STK3: variants seen among roughly 807,000 people sequenced by gnomAD.
STK3 encodes the protein serine/threonine-protein kinase 3.
STK3 carries 41 observed loss-of-function variants against 58.0 expected under a neutral mutation model. The observed-to-expected ratio is 0.71, with a 90% CI of 0.55 to 0.92. The LOEUF is 0.92. Among genes scored for constraint, STK3 ranks in the 40% least tolerant of loss-of-function variants. The pLI is 0.00. For missense variants in STK3, 479 were observed against 602.7 expected (o/e 0.79, Z 2.15); for synonymous variants, 170 against 191.0 (o/e 0.89, Z 0.91).
chr8:98,740,912 A>C (rs995457583), intron 4 of STK3, among the ~76,000 whole-genome samples: 3 of 152,138 alleles, frequency 2.0e-5, no homozygotes, highest in Non-Finnish European at 4.4e-5. Flanking sequence ...CTACCAAGCA[A>C]ATGGAAAACA....
intron 1 of STK3, among the ~76,000 whole-genome samples, chr8:98,818,862 C>T (rs1834716004): frequency 6.6e-6 from 1 of 152,022 alleles, no homozygotes; most frequent in Non-Finnish European, 1.5e-5. Flanking sequence ...TCTCTGTCGC[C>T]CAGGCTGGAG....
intron 3 of STK3, among the ~76,000 whole-genome samples, chr8:98,426,064 C>T (rs960531712): frequency 1.6e-4 from 25 of 152,142 alleles, no homozygotes; most frequent in African/African-American, 6.0e-4. Flanking sequence ...CAGATCTGGG[C>T]CACGAGTCTT....
At chr8:98,706,895 C>T (rs537116405) in intron 5 of STK3, among the ~76,000 whole-genome samples, 11 of 152,274 alleles carry the variant, frequency 7.2e-5, no homozygotes, top group African/African-American at 2.6e-4. Context: ...ATAAAAGCTA[C>T]AGAAATGAGC....
intron 3 of STK3, among the ~76,000 whole-genome samples, chr8:98,869,768 CAG>C (rs1837299045): frequency 6.6e-6 from 1 of 151,212 alleles, no homozygotes; most frequent in African/African-American, 2.4e-5. Flanking sequence ...TATAAGAAAA[CAG>C]AAATAAATAT....
rs185169133 is a variant in STK3 at position 98,715,482 on chromosome 8, G to C, written c.352-8171C>G. Among the ~76,000 whole-genome samples, 429 of 151,464 alleles carry C rather than the reference G, an allele frequency of 2.8e-3. 3 individuals are homozygous for C. Among genetic ancestry groups the C allele is most frequent in the African/African-American group, 9.4e-3 (390 of 41,334 alleles). On this transcript the variant is annotated intron_variant, in intron 4 of 10. Transcript: ENST00000419617. The stretch of plus-strand genomic sequence containing the variant: ...AAAAAGTGGGCAAAGGATATGAACA[G>C]ACACTTCTCAAAAGAAGACACTTAT...
chr8:98,762,995 T>C (rs1321111750), intron 3 of STK3, among the ~76,000 whole-genome samples: 1 of 152,212 alleles, frequency 6.6e-6, no homozygotes, highest in Admixed American at 6.5e-5. Flanking sequence ...ATTTTCTGTA[T>C]CTGCAAAATT....
At chr8:98,862,829 A>G (rs1008029210) in intron 3 of STK3, among the ~76,000 whole-genome samples, 7 of 152,250 alleles carry the variant, frequency 4.6e-5, no homozygotes, top group Non-Finnish European at 8.8e-5. Flanking sequence ...CCAAGGTAGG[A>G]CTTAATTGGA....
chr8:98,607,065 C>T (rs1037255841), intron 6 of STK3, among the ~76,000 whole-genome samples: 7 of 152,178 alleles, frequency 4.6e-5, no homozygotes, highest in Admixed American at 2.6e-4. Context: ...AACCACAGTA[C>T]ACTCAATTTG....
intron 7 of STK3, among the ~76,000 whole-genome samples, chr8:98,585,592 T>G (rs1390279674): frequency 5.5e-4 from 81 of 146,518 alleles, no homozygotes; most frequent in African/African-American, 1.4e-3. Context: ...CTTTTTTGGT[T>G]CCATATGAAC....
rs577479151 is a variant in STK3 at position 98,912,515 on chromosome 8, G to A, written c.-78-28681C>T. ...AATTAAACGTGTCTGCTTGGTCACA[G>A]GAAGAGTTGGAAAGCCACAGGCTCT... On this transcript the variant is annotated intron_variant, in intron 1 of 1. Transcript: ENST00000519420. Among the ~76,000 whole-genome samples the A allele has an allele frequency of 2.0e-5, 3 of 152,278 alleles. No homozygotes were observed. The South Asian group carries it at 6.2e-4, about 32-fold the overall frequency.
chr8:98,352,299 T>C, the STK3 span, among the ~76,000 whole-genome samples: 5 of 152,306 alleles, frequency 3.3e-5, no homozygotes, highest in African/African-American at 1.2e-4. Flanking sequence ...CAATTCACAA[T>C]GGTCTTTAAA....
In STK3 at chr8:98,706,545, G is replaced by A. The variant is rs751435894; in HGVS notation, c.606C>T (p.Ala202=). The A allele has an allele frequency of 1.5e-5, 24 of 1,613,542 alleles. No homozygotes were observed. Among genetic ancestry groups the A allele is most frequent in the East Asian group, 2.2e-5 (1 of 44,862 alleles). ...VIQEIGYNCV[A]DIWSLGITSI... ...AAGTAATGCCAAGGGACCAGATGTC[G>A]GCCACACAGTTATAGCCTATTTCTT... Residue 202 remains alanine, a synonymous_variant, in exon 6 of 11, where the codon GCC becomes GCT. Coordinates refer to ENST00000419617, the MANE Select transcript of STK3 (RefSeq NM_006281.4).
At chr8:98,396,266 T>C (rs1319620886) in intron 3 of STK3, among the ~76,000 whole-genome samples, 1 of 152,254 alleles carries the variant, frequency 6.6e-6, no homozygotes, top group Non-Finnish European at 1.5e-5. Context: ...GAAGATGTTT[T>C]ACATAAAATT....
chr8:98,698,822 G>A (rs1825252903), intron 6 of STK3, among the ~76,000 whole-genome samples: 1 of 151,998 alleles, frequency 6.6e-6, no homozygotes, highest in South Asian at 2.1e-4. Flanking sequence ...CAACTTTGGT[G>A]AATCTGACAA....
At chr8:98,709,753 A>G (rs1040634391) in intron 4 of STK3, among the ~76,000 whole-genome samples, 1 of 152,188 alleles carries the variant, frequency 6.6e-6, no homozygotes, top group African/African-American at 2.4e-5. Context: ...TTTTCATAAA[A>G]CACACAACTA....
At chr8:98,390,464 T>C (rs1817838011), upstream of STK3, among the ~76,000 whole-genome samples, 1 of 152,194 alleles carries the variant, frequency 6.6e-6, no homozygotes, top group Non-Finnish European at 1.5e-5. Flanking sequence ...CTCTCTGTCT[T>C]TAGTTTTTAG....
chr8:98,485,026 G>A (rs1822135706), intron 10 of STK3, among the ~76,000 whole-genome samples: 2 of 152,182 alleles, frequency 1.3e-5, no homozygotes, highest in Admixed American at 6.5e-5. Context: ...GATCACCTGA[G>A]ATCAGGAGTT....
chr8:98,854,589 T>A (rs1836599952), intron 3 of STK3, among the ~76,000 whole-genome samples: 4 of 152,118 alleles, frequency 2.6e-5, no homozygotes, highest in Non-Finnish European at 5.9e-5. Context: ...CTTGCAATGA[T>A]CATTTAAAAA....
chr8:98,483,316 A>G (rs1249302251), intron 10 of STK3, among the ~76,000 whole-genome samples: 1 of 152,242 alleles, frequency 6.6e-6, no homozygotes. Context: ...TGGATTAGTG[A>G]TGTCACAGGA....
Sources: allele counts gnomAD v4.1 joint callset (sites outside exome capture counted in the v4.1 genomes callset), GRCh38; gene constraint gnomAD v4.1.1; transcripts MANE v1.5; gene names NCBI Gene and HGNC (gene_info 2026-07-23, HGNC 2026-07-21).